TF: variants seen among roughly 807,000 people sequenced by gnomAD.
The protein encoded by TF is serotransferrin.
Under a neutral mutation model 82.4 loss-of-function variants are expected in TF, and 55 were observed. That is an observed-to-expected ratio of 0.67 (90% CI 0.54 to 0.84). The LOEUF is 0.84. Among genes scored for constraint, TF ranks in the 40% least tolerant of loss-of-function variants. The probability of loss-of-function intolerance (pLI) is 0.00; values close to 1 mark genes in which losing one functional copy is unlikely to be tolerated. For synonymous variants in TF, 332 were observed against 332.6 expected (o/e 1.00, Z 0.02); for missense variants, 737 against 868.4 (o/e 0.85, Z 1.90).
In TF at chr3:133,784,482, A is replaced by T. The variant is rs1430148512; in HGVS notation, c.*5862A>T. On this transcript the variant is annotated 3_prime_UTR_variant, in exon 17 of 17. Transcript: ENST00000402696. ...CCCATTTGTTAAAAAAATAATAATA[A>T]TAATAATAATAATAATAATAATAAT... The T allele has an allele frequency of 7.0e-6, 1 of 142,506 alleles. No homozygotes were observed. The highest frequency in any genetic ancestry group is 1.5e-5 in the Non-Finnish European group (1 of 65,906). The allele number at this position is 142,506 out of a possible 1,614,324, so 8.8% of individuals were successfully genotyped here.
At chr3:133,693,726 G>C in the TF span, among the ~76,000 whole-genome samples, 1 of 152,196 alleles carries the variant, frequency 6.6e-6, no homozygotes, top group African/African-American at 2.4e-5. Context: ...AACTACCACA[G>C]CCTCTGGATA....
the TF span, among the ~76,000 whole-genome samples, chr3:133,690,875 C>T: frequency 6.6e-6 from 1 of 152,334 alleles, no homozygotes; most frequent in African/African-American, 2.4e-5. Flanking sequence ...ATGGTGTTCA[C>T]AAGGCCCAGC....
At chr3:133,702,887 G>C in the TF span, among the ~76,000 whole-genome samples, 1 of 152,102 alleles carries the variant, frequency 6.6e-6, no homozygotes, top group South Asian at 2.1e-4. Flanking sequence ...TCTACTAAAT[G>C]TGTCAATTGT....
At chr3:133,746,132 C>A, upstream of TF, 2 of 494,232 alleles carry the variant, frequency 4.0e-6, no homozygotes, top group Non-Finnish European at 7.4e-6. Context: ...GTAGCCGCTC[C>A]TGGCACCGAG....
At chr3:133,775,763 T>C in intron 15 of TF, 146 bp downstream of exon 15, 1 of 837,326 alleles carries the variant, frequency 1.2e-6, no homozygotes, top group Non-Finnish European at 1.9e-6. Flanking sequence ...ATGCCATGCA[T>C]TGTGGACTAG....
chr3:133,773,950 G>C (rs1934323023), intron 14 of TF: 1 of 152,350 alleles, frequency 6.6e-6, no homozygotes, highest in South Asian at 2.1e-4. Context: ...TCCTCCCGCA[G>C]AGAGGCATTC....
chr3:133,698,705 A>G, the TF span, among the ~76,000 whole-genome samples: 3 of 152,170 alleles, frequency 2.0e-5, no homozygotes, highest in Non-Finnish European at 4.4e-5. Flanking sequence ...ATCTTAACTA[A>G]TTACATTTTC....
At chr3:133,777,398 G>C (rs1934423057) in intron 16 of TF, 160 bp downstream of exon 16, 1 of 695,078 alleles carries the variant, frequency 1.4e-6, no homozygotes, top group Admixed American at 2.2e-5. Context: ...ATGTATGACA[G>C]GCTAGACTGT....
chr3:133,695,245 CTTTT>C, the TF span, among the ~76,000 whole-genome samples: 1 of 100,344 alleles, frequency 1.0e-5, no homozygotes, highest in Admixed American at 1.1e-4. Context: ...GGAGCTGGTT[CTTTT>C]TTTTTTTTTT....
chr3:133,729,525 G>A, the TF span, among the ~76,000 whole-genome samples: 9 of 152,296 alleles, frequency 5.9e-5, no homozygotes, highest in African/African-American at 1.7e-4. Flanking sequence ...CGCAGTATTC[G>A]GGTGGAAGTG....
chr3:133,708,636 AT>A, the TF span, among the ~76,000 whole-genome samples: 1 of 151,728 alleles, frequency 6.6e-6, no homozygotes, highest in African/African-American at 2.4e-5. Flanking sequence ...TAATATATAT[AT>A]GTAAATATGT....
chr3:133,690,312 A>G, the TF span, among the ~76,000 whole-genome samples: 2 of 152,222 alleles, frequency 1.3e-5, no homozygotes, highest in Admixed American at 6.5e-5. Flanking sequence ...TTTGCAGAAA[A>G]GACATTACAA....
chr3:133,670,801 G>A, the TF span, among the ~76,000 whole-genome samples: 1 of 152,338 alleles, frequency 6.6e-6, no homozygotes, highest in South Asian at 2.1e-4. Flanking sequence ...CCTTTCAAAT[G>A]TATGAGTAAG....
At chr3:133,740,986 ATTTTTTTTT>A in the TF span, among the ~76,000 whole-genome samples, 1 of 47,454 alleles carries the variant, frequency 2.1e-5, no homozygotes, top group Non-Finnish European at 3.6e-5. Context: ...ATCCAGCTCT[ATTTTTTTTT>A]TTTTTTTTTT....
the TF span, among the ~76,000 whole-genome samples, chr3:133,726,293 T>G: frequency 9.9e-5 from 15 of 152,266 alleles, no homozygotes; most frequent in Admixed American, 2.0e-4. Flanking sequence ...GTCCTGGACT[T>G]TTTTTTGTTG....
the TF span, among the ~76,000 whole-genome samples, chr3:133,725,087 C>T: frequency 2.8e-4 from 42 of 152,272 alleles, no homozygotes; most frequent in African/African-American, 5.8e-4. Context: ...AATCAGGTAG[C>T]GTGATGCCTC....
Position 133,754,485 on chromosome 3 carries a change from G to T in TF, c.326-10G>T, listed in dbSNP as rs1933768449. On this transcript the variant is annotated splice_polypyrimidine_tract_variant and intron_variant, in intron 3 of 16. Transcript: ENST00000402696. The stretch of plus-strand genomic sequence containing the variant: ...GCTGAGGGCCTTCCATTCACACTGT[G>T]CCTTTGCAGATCCACAGACTTTCTA... 1 of 1,613,918 alleles carries T rather than the reference G, an allele frequency of 6.2e-7. No individual in the cohort carries two copies. Among genetic ancestry groups the T allele is most frequent in the Non-Finnish European group, 8.5e-7 (1 of 1,179,986 alleles).
the TF span, among the ~76,000 whole-genome samples, chr3:133,732,380 G>T: frequency 2.0e-5 from 3 of 152,076 alleles, no homozygotes; most frequent in African/African-American, 7.2e-5. Flanking sequence ...GGACCAATCA[G>T]CACTCTGTAA....
chr3:133,759,406 G>A (rs1933927507), intron 9 of TF, 77 bp downstream of exon 9: 2 of 1,581,762 alleles, frequency 1.3e-6, no homozygotes, highest in South Asian at 1.1e-5. Flanking sequence ...GCTAGGGAGT[G>A]TTCCTGGGAA....
Sources: allele counts gnomAD v4.1 joint callset (sites outside exome capture counted in the v4.1 genomes callset), GRCh38; gene constraint gnomAD v4.1.1; transcripts MANE v1.5; gene names NCBI Gene and HGNC (gene_info 2026-07-23, HGNC 2026-07-21).